SLC16A10: variants seen among roughly 807,000 people sequenced by gnomAD.
SLC16A10 encodes the protein solute carrier family 16 member 10, also known as monocarboxylate transporter 10.
SLC16A10 carries 27 observed loss-of-function variants against 40.0 expected under a neutral mutation model. That is an observed-to-expected ratio of 0.67 (90% confidence interval 0.50 to 0.93). The LOEUF is 0.93. SLC16A10 is among the 40% of genes least tolerant of loss of function. SLC16A10 has a pLI of 0.00. For synonymous variants in SLC16A10, 213 were observed against 249.8 expected (o/e 0.85, Z 1.39); for missense variants, 529 against 658.2 (o/e 0.80, Z 2.15).
Position 111,087,967 on chromosome 6 carries a change from T to C in SLC16A10, c.215T>C (p.Leu72Pro). Residue 72 changes from leucine to proline, a missense_variant, in exon 1 of 6, where the codon CTG becomes CCG. Transcript: ENST00000368851. ...CCCCCCGAGGGCGGCTGGGGCTGGCTGGTGATGCTGGCGGCCATGTGGTGC... is the reference window on the plus strand; with the variant it reads ...CCCCCCGAGGGCGGCTGGGGCTGGCCGGTGATGCTGGCGGCCATGTGGTGC... ...PEPPEGGWGW[L>P]VMLAAMWCNG... 5.0e-6 allele frequency: 8 copies of C among 1,611,112 alleles called. No homozygotes were observed. The highest frequency in any genetic ancestry group is 6.8e-6 in the Non-Finnish European group (8 of 1,179,006).
intron 4 of SLC16A10, 22 bp from the exon 5 acceptor site, chr6:111,218,792 G>A (rs752028808): frequency 6.2e-7 from 1 of 1,603,192 alleles, no homozygotes; most frequent in South Asian, 1.1e-5. Flanking sequence ...GAGCGGAGCT[G>A]ACCTTGTGGT....
In SLC16A10 at chr6:111,230,507, C is replaced by G. The variant is rs1771094945; in HGVS notation, c.*8272C>G. The stretch of plus-strand genomic sequence containing the variant: ...GCAGAGAGAATGGAAGCTTGCTAAT[C>G]AGAAGTTACATTAGGGTGAGATTAA... On this transcript the variant is annotated 3_prime_UTR_variant, in exon 6 of 6. Transcript: ENST00000368851. The G allele has an allele frequency of 6.6e-6, 1 of 152,160 alleles. No homozygotes were observed. The allele number at this position is 152,160 out of a possible 1,614,324, so 9.4% of individuals were successfully genotyped here.
intron 4 of SLC16A10, among the ~76,000 whole-genome samples, chr6:111,217,405 A>G (rs1253232414): frequency 6.6e-6 from 1 of 152,014 alleles, no homozygotes; most frequent in Admixed American, 6.5e-5. Flanking sequence ...GCTTTTAAAA[A>G]TTTTTTCTGC....
chr6:111,147,671 G>A (rs1772103327), intron 1 of SLC16A10, among the ~76,000 whole-genome samples: 1 of 152,262 alleles, frequency 6.6e-6, no homozygotes, highest in Non-Finnish European at 1.5e-5. Flanking sequence ...TAACCTAAGA[G>A]CTTCTGCTGC....
intron 3 of SLC16A10, among the ~76,000 whole-genome samples, chr6:111,195,333 A>G (rs138486881): frequency 6.6e-6 from 1 of 152,284 alleles, no homozygotes; most frequent in East Asian, 1.9e-4. Flanking sequence ...GAGAAGTCAC[A>G]TTCATAAATA....
intron 1 of SLC16A10, among the ~76,000 whole-genome samples, chr6:111,161,698 G>A (rs1465376981): frequency 6.6e-6 from 1 of 152,128 alleles, no homozygotes; most frequent in African/African-American, 2.4e-5. Context: ...TAGAAGGCAT[G>A]TATCAAAACA....
At chr6:111,148,608 T>G (rs1772119479) in intron 1 of SLC16A10, among the ~76,000 whole-genome samples, 1 of 152,212 alleles carries the variant, frequency 6.6e-6, no homozygotes, top group South Asian at 2.1e-4. Context: ...ATGACAACTT[T>G]AGGAAGGTGT....
At chr6:111,195,288 G>T (rs539262537) in intron 3 of SLC16A10, among the ~76,000 whole-genome samples, 12 of 152,176 alleles carry the variant, frequency 7.9e-5, no homozygotes, top group Non-Finnish European at 1.5e-5. Context: ...ACAAAAGCAC[G>T]AATACTGTAT....
chr6:111,098,982 C>G (rs1025591686), intron 1 of SLC16A10, among the ~76,000 whole-genome samples: 6 of 152,128 alleles, frequency 3.9e-5, no homozygotes, highest in African/African-American at 9.7e-5. Flanking sequence ...TGTTTTGTCT[C>G]CTTCTTCTCA....
intron 1 of SLC16A10, among the ~76,000 whole-genome samples, chr6:111,121,289 C>T (rs574396534): frequency 7.0e-4 from 106 of 152,294 alleles, no homozygotes; most frequent in African/African-American, 2.3e-3. Flanking sequence ...TGGCCGGCAA[C>T]GGTGGCTCAC....
At chr6:111,165,718 A>G (rs1256483674) in intron 1 of SLC16A10, among the ~76,000 whole-genome samples, 1 of 152,234 alleles carries the variant, frequency 6.6e-6, no homozygotes, top group Admixed American at 6.5e-5. Flanking sequence ...AAAATCTAGA[A>G]TCTTTAAAGA....
intron 1 of SLC16A10, among the ~76,000 whole-genome samples, chr6:111,140,074 C>A (rs1352677328): frequency 6.6e-6 from 1 of 152,120 alleles, no homozygotes; most frequent in Non-Finnish European, 1.5e-5. Context: ...AATACTTGGA[C>A]AATGTAATAA....
Position 111,143,524 on chromosome 6 carries a change from G to C in SLC16A10, c.344-29171G>C, listed in dbSNP as rs113859596. 2.5e-3 allele frequency among the ~76,000 whole-genome samples: 383 copies of C among 152,216 alleles called. 2 individuals carry two copies. Among genetic ancestry groups the C allele is most frequent in the African/African-American group, 8.7e-3 (362 of 41,536 alleles). ...TAATTTTTTTTAAAATTTTTGTAGA[G>C]ATGGAGCCTTGCAATGTGGCCCATG... On this transcript the variant is annotated intron_variant, in intron 1 of 5. Coordinates refer to ENST00000368851, the MANE Select transcript of SLC16A10 (RefSeq NM_018593.5).
intron 2 of SLC16A10, 57 bp from the exon 3 acceptor site, chr6:111,177,155 C>T (rs1310943705): frequency 1.6e-6 from 2 of 1,220,340 alleles, no homozygotes; most frequent in South Asian, 5.0e-5. Flanking sequence ...TTTTATTCTA[C>T]CAAGCACACA....
Position 111,107,280 on chromosome 6 carries a change from A to G in SLC16A10, c.343+19185A>G, listed in dbSNP as rs192308813. ...ACAACATGTCTGAACAGTTCGAGAC[A>G]TTAAGAAATGATATCGCACCAGTTT... On this transcript the variant is annotated intron_variant, in intron 1 of 5. Coordinates refer to ENST00000368851, the MANE Select transcript of SLC16A10 (RefSeq NM_018593.5). 3.4e-3 allele frequency among the ~76,000 whole-genome samples: 515 copies of G among 152,360 alleles called. 2 individuals are homozygous for G. Among genetic ancestry groups the G allele is most frequent in the African/African-American group, 0.012 (483 of 41,582 alleles).
intron 1 of SLC16A10, among the ~76,000 whole-genome samples, chr6:111,141,069 G>T (rs9320360): frequency 0.49 from 74,841 of 152,064 alleles, 19,245 homozygotes; most frequent in East Asian, 0.67. Context: ...CGGATTTAAG[G>T]TGGGAGCCAC....
chr6:111,189,005 G>T (rs955910087), intron 3 of SLC16A10, among the ~76,000 whole-genome samples: 16 of 152,132 alleles, frequency 1.1e-4, no homozygotes, highest in African/African-American at 3.6e-4. Flanking sequence ...AATTATTGTT[G>T]TTTGACTTGC....
chr6:111,183,021 A>G (rs1423194340), intron 3 of SLC16A10, among the ~76,000 whole-genome samples: 2 of 152,170 alleles, frequency 1.3e-5, no homozygotes, highest in Admixed American at 6.5e-5. Context: ...TTCTCTATGA[A>G]GAAGCCACAG....
intron 1 of SLC16A10, among the ~76,000 whole-genome samples, chr6:111,139,716 A>G (rs535426657): frequency 1.3e-5 from 2 of 152,296 alleles, no homozygotes; most frequent in African/African-American, 4.8e-5. Flanking sequence ...TATTGTGAAC[A>G]GTGCTGCAGT....
Sources: gnomAD v4.1 joint callset for allele counts (sites outside exome capture counted in the v4.1 genomes callset) on GRCh38, gnomAD v4.1.1 for gene constraint, MANE v1.5 for transcripts, NCBI Gene and HGNC (gene_info 2026-07-23, HGNC 2026-07-21) for gene names.